ARAP1: variants seen among roughly 807,000 people sequenced by gnomAD.
The protein encoded by ARAP1 is arf-GAP with Rho-GAP domain, ANK repeat and PH domain-containing protein 1.
ARAP1 carries 76 observed loss-of-function variants against 172.2 expected under a neutral mutation model. That is an observed-to-expected ratio of 0.44 (90% CI 0.37 to 0.53). ARAP1 has a LOEUF of 0.53. Ranked by LOEUF, ARAP1 falls within the 20% of genes least tolerant of loss-of-function variation. ARAP1 has a pLI of 0.00. For synonymous variants in ARAP1, 804 were observed against 803.3 expected, an observed-to-expected ratio of 1.00 and a Z score of -0.01; for missense variants, 1,686 against 1,977.5, an observed-to-expected ratio of 0.85 and a Z score of 2.80.
chr11:72,746,339 C>A (rs2135595374), intron 1 of ARAP1, among the ~76,000 whole-genome samples: 2 of 152,314 alleles, frequency 1.3e-5, no homozygotes, highest in Middle Eastern at 6.8e-3. Context: ...GTGGTAGATG[C>A]AGGGAGCACC....
chr11:72,729,623 G>A (rs1251769166), intron 2 of ARAP1, among the ~76,000 whole-genome samples: 4 of 151,562 alleles, frequency 2.6e-5, no homozygotes, highest in South Asian at 2.1e-4. Flanking sequence ...AAGGATTTAC[G>A]AAATCATCCT....
In ARAP1 at chr11:72,699,274, G is replaced by T; in HGVS notation, c.2438+143C>A. 2.1e-6 allele frequency: 3 copies of T among 1,417,306 alleles called. No individual in the cohort carries two copies. The highest frequency in any genetic ancestry group is 1.3e-5 in the South Asian group (1 of 76,562). The allele number at this position is 1,417,306 out of a possible 1,614,324, so 87.8% of individuals were successfully genotyped here. A position where few individuals can be genotyped will look rare whatever the true frequency, so the allele number is the denominator to read the frequency against. On this transcript the variant is annotated intron_variant, in intron 17 of 34. Coordinates refer to ENST00000393609, the MANE Select transcript of ARAP1 (RefSeq NM_001040118.3). This position sits in a 1 kb window ranked among gnomAD's most constrained non-coding sequence, Gnocchi z 4.2. ...AAAGTCTTGGGCTGGGGCCTCAAGAGACTGGAGTCGGCCCTTGTGCAGCCT... is the reference window on the plus strand; with the variant it reads ...AAAGTCTTGGGCTGGGGCCTCAAGATACTGGAGTCGGCCCTTGTGCAGCCT...
At chr11:72,751,182 G>A (rs1858521103) in intron 1 of ARAP1, among the ~76,000 whole-genome samples, 1 of 152,066 alleles carries the variant, frequency 6.6e-6, no homozygotes, top group African/African-American at 2.4e-5. Flanking sequence ...CCAATGGGGA[G>A]GCAAGGTCCC....
intron 20 of ARAP1, 38 bp from the exon 21 acceptor site, chr11:72,697,524 C>T (rs1565212927): frequency 1.8e-5 from 29 of 1,612,722 alleles, no homozygotes; most frequent in Non-Finnish European, 2.5e-5. Context: ...GGGCCTACAC[C>T]TATCCCACCC....
chr11:72,687,426 C>G lies in ARAP1; in HGVS notation c.4185+13G>C, dbSNP rs746062088. The G allele has an allele frequency of 1.2e-6, 2 of 1,614,228 alleles. No homozygotes were observed. Among genetic ancestry groups the G allele is most frequent in the Non-Finnish European group, 1.7e-6 (2 of 1,180,040 alleles). ...AGGGACCCACCCCACACCCCACACT[C>G]TGCACCTGGTACCTGCACAAACAGA... On this transcript the variant is annotated intron_variant, in intron 33 of 34. Coordinates refer to ENST00000393609, the MANE Select transcript of ARAP1 (RefSeq NM_001040118.3).
At chr11:72,716,966 C>G (rs372691321) in intron 3 of ARAP1, among the ~76,000 whole-genome samples, 7 of 152,304 alleles carry the variant, frequency 4.6e-5, no homozygotes, top group African/African-American at 1.4e-4. Context: ...GGCACTGCAC[C>G]AGGCCGTCTC....
Position 72,698,056 on chromosome 11 carries a change from C to G in ARAP1, c.2592G>C (p.Arg864=). ...AEDLLARDFE[R]LGRLPYKAGL... ...CAGCTTTGTAGGGTAGGCGTCCCAG[C>G]CGCTCAAAATCCCGGGCCAGCAGAT... Residue 864 remains arginine, a synonymous_variant, in exon 19 of 35, where the codon CGG becomes CGC. Coordinates refer to ENST00000393609, the MANE Select transcript of ARAP1 (RefSeq NM_001040118.3). 1 of 1,607,376 alleles carries G rather than the reference C, an allele frequency of 6.2e-7. No individual in the cohort carries two copies. The highest frequency in any genetic ancestry group is 8.5e-7 in the Non-Finnish European group (1 of 1,177,392).
At chr11:72,747,312 C>G (rs576822667) in intron 1 of ARAP1, among the ~76,000 whole-genome samples, 19 of 152,164 alleles carry the variant, frequency 1.2e-4, no homozygotes, top group Non-Finnish European at 2.5e-4. Flanking sequence ...TAATCTTCCT[C>G]TAGGCCCCTC....
rs758207488 is a variant in ARAP1, at chr11:72,727,062, A to T, written c.67T>A (p.Tyr23Asn). The change falls in exon 3 of 35, where the codon TAC (tyrosine) becomes AAC (asparagine). Residue 23 changes from tyrosine (Y) to asparagine (N), a missense_variant. By Grantham distance (143) the Tyr-to-Asn change is moderately radical. Transcript: ENST00000393609. ...EWLRALHLEQ[Y>N]TGLFEQHGLV... is the part of the protein sequence containing the mutation. The stretch of plus-strand genomic sequence containing the variant: ...CCATGCTGCTCAAAGAGCCCCGTGT[A>T]CTGCTCCAGGTGCAATGCCCGCAGC... 1 of 1,607,012 alleles carries T rather than the reference A, an allele frequency of 6.2e-7. No individual in the cohort carries two copies. Among genetic ancestry groups the T allele is most frequent in the South Asian group, 1.1e-5 (1 of 90,820 alleles).
In ARAP1 at chr11:72,693,827, C is replaced by T. The variant is rs753781073; in HGVS notation, c.3695-22G>A. 2.2e-5 allele frequency: 35 copies of T among 1,565,354 alleles called. No homozygotes were observed. The highest frequency in any genetic ancestry group is 2.9e-5 in the Non-Finnish European group (33 of 1,155,502). On this transcript the variant is annotated intron_variant, in intron 27 of 34. Transcript: ENST00000393609. This position sits in a 1 kb window ranked among gnomAD's most constrained non-coding sequence, Gnocchi z 4.6. ...CGCTCTGGGGAGAGGTCACACCTAC[C>T]GTCACTGGGACCACATGGCCCGATA...
intron 16 of ARAP1, among the ~76,000 whole-genome samples, chr11:72,700,955 G>A (rs1229372418): frequency 3.9e-5 from 6 of 152,180 alleles, no homozygotes; most frequent in African/African-American, 9.7e-5. Context: ...CCAAGATCGC[G>A]CCATTGCACT....
intron 23 of ARAP1, among the ~76,000 whole-genome samples, chr11:72,696,205 A>G (rs886110860): frequency 1.3e-5 from 2 of 152,070 alleles, no homozygotes; most frequent in African/African-American, 4.8e-5. Flanking sequence ...TCTCATAAGG[A>G]GCGCGCCACC....
At position 72,710,079 on chromosome 11, in the gene ARAP1, G is replaced by T; in HGVS notation, c.1417-103C>A. 3 of 1,074,866 alleles carry T rather than the reference G, an allele frequency of 2.8e-6. No individual in the cohort carries two copies. The highest frequency in any genetic ancestry group is 2.8e-6 in the Non-Finnish European group (2 of 703,736). The allele number at this position is 1,074,866 out of a possible 1,614,324, so 66.6% of individuals were successfully genotyped here. ...AGGTGGTGCAACTCAGGGACTGGGG[G>T]GGGTGCCCAGGAGGGAGACAGCAGG... On this transcript the variant is annotated intron_variant, in intron 10 of 34. Coordinates refer to ENST00000393609, the MANE Select transcript of ARAP1 (RefSeq NM_001040118.3). This position sits in a 1 kb window ranked among gnomAD's most constrained non-coding sequence, Gnocchi z 4.3.
chr11:72,713,586 G>C (rs946167785), intron 4 of ARAP1, among the ~76,000 whole-genome samples: 1 of 152,152 alleles, frequency 6.6e-6, no homozygotes, highest in African/African-American at 2.4e-5. Flanking sequence ...GGTGGCTCAT[G>C]CCTGTAATCC....
Position 72,699,259 on chromosome 11 carries a change from G to C in ARAP1, c.2439-152C>G. The stretch of plus-strand genomic sequence containing the variant: ...CTAAGAGGTGGTGGAAAAGTCTTGG[G>C]CTGGGGCCTCAAGAGACTGGAGTCG... On this transcript the variant is annotated intron_variant, in intron 17 of 34. Coordinates refer to ENST00000393609, the MANE Select transcript of ARAP1 (RefSeq NM_001040118.3). This position sits in a 1 kb window ranked among gnomAD's most constrained non-coding sequence, Gnocchi z 4.2. The C allele has an allele frequency of 7.1e-7, 1 of 1,402,758 alleles. No homozygotes were observed. Among genetic ancestry groups the C allele is most frequent in the Non-Finnish European group, 9.7e-7 (1 of 1,025,900 alleles). The allele number at this position is 1,402,758 out of a possible 1,614,324, so 86.9% of individuals were successfully genotyped here. A position where few individuals can be genotyped will look rare whatever the true frequency, so the allele number is the denominator to read the frequency against.
rs1857653776 is a variant in ARAP1 at position 72,725,315 on chromosome 11, TCTC to T, written c.509+1302_509+1304del. Reference sequence around the variant, plus strand: ...TCTAACCTCTCTCTCTCTCTCTCTCTCTCTTTTTCTCTCTCTCTCTCCCCCCCA... The same window carrying T: ...TCTAACCTCTCTCTCTCTCTCTCTCTTTTTTCTCTCTCTCTCTCCCCCCCA... On this transcript the variant is annotated intron_variant, in intron 3 of 34. Coordinates refer to ENST00000393609, the MANE Select transcript of ARAP1 (RefSeq NM_001040118.3). The surrounding 1 kb of genome is among the most constrained non-coding windows in gnomAD (Gnocchi z 4.3). 6.6e-6 allele frequency among the ~76,000 whole-genome samples: 1 copy of T among 151,942 alleles called. No homozygotes were observed. Among genetic ancestry groups the T allele is most frequent in the South Asian group, 2.1e-4 (1 of 4,800 alleles).
intron 1 of ARAP1, among the ~76,000 whole-genome samples, chr11:72,749,262 C>A (rs1858466432): frequency 6.6e-6 from 1 of 152,162 alleles, no homozygotes; most frequent in Non-Finnish European, 1.5e-5. Flanking sequence ...TGGGTCCTGA[C>A]CCTGTCTCTC....
Position 72,699,426 on chromosome 11 carries a change from T to C in ARAP1, c.2429A>G (p.Asp810Gly). 6.2e-7 allele frequency: 1 copy of C among 1,614,016 alleles called. No homozygotes were observed. The highest frequency in any genetic ancestry group is 8.5e-7 in the Non-Finnish European group (1 of 1,179,992). The change falls in exon 17 of 35, where the codon GAC becomes GGC. Residue 810 changes from aspartate to glycine, a missense_variant. Asp to Gly is a moderately conservative substitution (Grantham distance 94, BLOSUM62 -1). Coordinates refer to ENST00000393609, the MANE Select transcript of ARAP1 (RefSeq NM_001040118.3). The surrounding 1 kb of genome is among the most constrained non-coding windows in gnomAD (Gnocchi z 4.2). Reference sequence around the variant, plus strand: ...GCCCAGGAGTACTCACCCATGGGTGTCAGGAGGGGGCACTGCCAGGCACAC... The same window carrying C: ...GCCCAGGAGTACTCACCCATGGGTGCCAGGAGGGGGCACTGCCAGGCACAC... ...EIVCLAVPPPDTHGFEHTFEV... is the reference protein window; with the variant it reads ...EIVCLAVPPPGTHGFEHTFEV...
At chr11:72,696,911 C>T (rs1307097121) in intron 22 of ARAP1, 72 bp downstream of exon 22, 6 of 1,480,804 alleles carry the variant, frequency 4.1e-6, no homozygotes, top group Non-Finnish European at 5.5e-6. Flanking sequence ...GCAAGTGCCA[C>T]AAGGGAAGGG....
Sources: gnomAD v4.1 joint callset for allele counts (sites outside exome capture counted in the v4.1 genomes callset) on GRCh38, gnomAD v4.1.1 for gene constraint, Gnocchi (gnomAD v3.1) non-coding constraint, MANE v1.5 for transcripts, NCBI Gene and HGNC (gene_info 2026-07-23, HGNC 2026-07-21) for gene names.